Variants in ERC2 observed in about 807,000 individuals in gnomAD.
The protein encoded by ERC2 is ERC protein 2.
Under a neutral mutation model 114.8 loss-of-function variants are expected in ERC2, and 42 were observed. That is an observed-to-expected ratio of 0.37 (90% confidence interval 0.29 to 0.47). The LOEUF (loss-of-function observed/expected upper bound fraction) is 0.47. Ranked by LOEUF, ERC2 falls within the 20% of genes least tolerant of loss-of-function variation. The probability of loss-of-function intolerance (pLI) is 0.99; values close to 1 mark genes in which losing one functional copy is unlikely to be tolerated. For synonymous variants in ERC2, 454 were observed against 425.5 expected, an observed-to-expected ratio of 1.07 and a Z score of -0.82; for missense variants, 939 against 1,150.7, an observed-to-expected ratio of 0.82 and a Z score of 2.66.
At chr3:55,710,717 G>A (rs764452583) in intron 15 of ERC2, among the ~76,000 whole-genome samples, 3 of 152,278 alleles carry the variant, frequency 2.0e-5, no homozygotes, top group South Asian at 2.1e-4. Flanking sequence ...AGGAAAAGGC[G>A]GGTAACTTGA....
In ERC2 at chr3:55,562,245, T is replaced by C. The variant is rs144785973; in HGVS notation, c.*40-50969A>G. 3.2e-3 allele frequency among the ~76,000 whole-genome samples: 492 copies of C among 152,088 alleles called. 5 individuals are homozygous for C. The highest frequency in any genetic ancestry group is 0.011 in the African/African-American group (468 of 41,458). ...CTGCTCACTGCAACCTCCACCTTCC[T>C]GGGTTCAAGCGATTCTCTTGCCTCA... On this transcript the variant is annotated intron_variant, in intron 17 of 17. Coordinates refer to ENST00000288221, the MANE Select transcript of ERC2 (RefSeq NM_015576.3).
chr3:55,767,151 C>G (rs1239795821), intron 14 of ERC2, among the ~76,000 whole-genome samples: 1 of 152,146 alleles, frequency 6.6e-6, no homozygotes, highest in Non-Finnish European at 1.5e-5. Context: ...GTGCTGATAC[C>G]AGTTGGAGAG....
At chr3:56,435,256 G>T in intron 1 of ERC2, 109 bp from the exon 2 acceptor site, 55 of 325,912 alleles carry the variant, frequency 1.7e-4, no homozygotes, top group Middle Eastern at 9.6e-4. Context: ...GTAGATAGGT[G>T]ATTAATAATA....
At chr3:56,170,137 C>A (rs1433712237) in intron 4 of ERC2, among the ~76,000 whole-genome samples, 1 of 152,188 alleles carries the variant, frequency 6.6e-6, no homozygotes, top group Non-Finnish European at 1.5e-5. Flanking sequence ...ACCTGCCAGA[C>A]CAAATCAGGA....
Position 56,149,154 on chromosome 3 carries a change from A to G in ERC2, c.1150-22T>C. 3 of 1,546,256 alleles carry G rather than the reference A, an allele frequency of 1.9e-6. No homozygotes were observed. The East Asian group carries it at 7.1e-5, about 36-fold the overall frequency. ...TGTCCTGTTGGTAAAGAAGAAAAGA[A>G]AAAGAAAAATAAAGAATAAAAATTA... On this transcript the variant is annotated intron_variant, in intron 4 of 17. Transcript: ENST00000288221.
chr3:55,963,761 G>A (rs1055141891), intron 12 of ERC2, among the ~76,000 whole-genome samples: 1 of 152,112 alleles, frequency 6.6e-6, no homozygotes, highest in Admixed American at 6.5e-5. Context: ...TTACAGTTTG[G>A]AGCAATATAA....
At chr3:55,690,397 T>G (rs1270500035) in intron 16 of ERC2, among the ~76,000 whole-genome samples, 4 of 152,162 alleles carry the variant, frequency 2.6e-5, no homozygotes, top group African/African-American at 9.6e-5. Flanking sequence ...CATTTCAAGG[T>G]TGGCCACCCC....
intron 14 of ERC2, among the ~76,000 whole-genome samples, chr3:55,841,773 A>T (rs1391723834): frequency 6.6e-6 from 1 of 152,202 alleles, no homozygotes; most frequent in East Asian, 1.9e-4. Context: ...TCTAGAGTCA[A>T]CAATCTTAAC....
At chr3:56,128,476 C>T (rs934431157) in intron 6 of ERC2, among the ~76,000 whole-genome samples, 3 of 152,180 alleles carry the variant, frequency 2.0e-5, no homozygotes, top group African/African-American at 4.8e-5. Flanking sequence ...CATCTAAGTG[C>T]TCCATGTCTT....
intron 6 of ERC2, among the ~76,000 whole-genome samples, chr3:56,130,268 G>T (rs1422726504): frequency 6.6e-6 from 1 of 152,082 alleles, no homozygotes; most frequent in East Asian, 1.9e-4. Flanking sequence ...TTTGTGGTGG[G>T]GGGACCCACA....
chr3:55,931,844 G>A (rs2066112316), intron 13 of ERC2, among the ~76,000 whole-genome samples: 2 of 152,144 alleles, frequency 1.3e-5, no homozygotes, highest in African/African-American at 4.8e-5. Flanking sequence ...GTCCTTACAT[G>A]AGTGTTGGCT....
chr3:56,329,528 A>G (rs1010432156), intron 2 of ERC2, among the ~76,000 whole-genome samples: 1 of 152,198 alleles, frequency 6.6e-6, no homozygotes, highest in African/African-American at 2.4e-5. Flanking sequence ...TCTGCCCTCA[A>G]AGGAAACTAC....
chr3:56,296,342 C>G lies in ERC2; in HGVS notation c.751G>C (p.Ala251Pro). The G allele has an allele frequency of 6.2e-7, 1 of 1,614,036 alleles. No individual in the cohort carries two copies. Among genetic ancestry groups the G allele is most frequent in the Non-Finnish European group, 8.5e-7 (1 of 1,179,894 alleles). ...LLQQESGNRGAEHFTIELTEE... is the reference protein window; with the variant it reads ...LLQQESGNRGPEHFTIELTEE... The stretch of plus-strand genomic sequence containing the variant: ...GTCAGCTCGATGGTGAAGTGCTCCG[C>G]TCCTCGGTTGCCACTCTCTTGCTGG... Residue 251 changes from alanine to proline, a missense_variant, in exon 3 of 18, where the codon GCG becomes CCG. By Grantham distance (27) the Ala-to-Pro change is conservative. Transcript: ENST00000288221.
chr3:55,676,186 G>A (rs1225400448), intron 17 of ERC2, among the ~76,000 whole-genome samples: 1 of 151,706 alleles, frequency 6.6e-6, no homozygotes, highest in Admixed American at 6.6e-5. Flanking sequence ...GCCTCCCAAA[G>A]TGCTTGGATT....
chr3:56,112,126 A>G (rs1379346258), intron 6 of ERC2, among the ~76,000 whole-genome samples: 1 of 152,204 alleles, frequency 6.6e-6, no homozygotes, highest in African/African-American at 2.4e-5. Flanking sequence ...TAAACAGTGC[A>G]GCTGCGACTG....
intron 4 of ERC2, among the ~76,000 whole-genome samples, chr3:56,151,447 G>C (rs1358867277): frequency 6.6e-6 from 1 of 152,084 alleles, no homozygotes; most frequent in Non-Finnish European, 1.5e-5. Context: ...GGGAAAAGTA[G>C]GTAGGAGAAT....
chr3:55,544,049 G>C (rs1394577510), intron 17 of ERC2, among the ~76,000 whole-genome samples: 5 of 152,184 alleles, frequency 3.3e-5, no homozygotes, highest in Admixed American at 2.0e-4. Flanking sequence ...CCATGGCTGG[G>C]GCAGGGCAGC....
At chr3:56,138,243 G>T (rs1012776536) in intron 6 of ERC2, among the ~76,000 whole-genome samples, 3 of 151,946 alleles carry the variant, frequency 2.0e-5, no homozygotes, top group Non-Finnish European at 4.4e-5. Flanking sequence ...GTATTTTTTA[G>T]TAGAGACTGG....
At chr3:56,378,582 AAAAAC>A (rs200416585) in intron 2 of ERC2, among the ~76,000 whole-genome samples, 3,461 of 143,006 alleles carry the variant, frequency 0.024, 33 homozygotes, top group South Asian at 0.068. Context: ...AAAAAAAAAA[AAAAAC>A]AAAGGCAGCA....
Sources: allele counts gnomAD v4.1 joint callset (sites outside exome capture counted in the v4.1 genomes callset), GRCh38; gene constraint gnomAD v4.1.1; transcripts MANE v1.5; gene names NCBI Gene and HGNC (gene_info 2026-07-23, HGNC 2026-07-21).